Variants in C3orf22 observed in about 807,000 individuals in gnomAD.
C3orf22 encodes uncharacterized protein C3orf22.
In C3orf22, 7 loss-of-function variants were observed where a neutral mutation model predicts 10.8. That is an observed-to-expected ratio of 0.65 (90% CI 0.37 to 1.22). The LOEUF is 1.22. C3orf22 is among the 50% of genes most tolerant of loss of function. The probability of loss-of-function intolerance (pLI) is 0.02; values close to 1 mark genes in which losing one functional copy is unlikely to be tolerated. For synonymous variants in C3orf22, 79 were observed against 78.9 expected (o/e 1.00, Z 0.00); for missense variants, 173 against 177.0 (o/e 0.98, Z 0.13).
intron 4 of C3orf22, among the ~76,000 whole-genome samples, chr3:126,534,383 C>T (rs1294575955): frequency 6.7e-6 from 1 of 149,552 alleles, no homozygotes; most frequent in African/African-American, 2.6e-5. Context: ...CTGAGCAGTG[C>T]AGCAAGGAGA....
rs77217606 is a variant in C3orf22, at chr3:126,551,890, G to A, written c.215+107C>T. The A allele has an allele frequency of 1.5e-4, 188 of 1,235,414 alleles. No individual in the cohort carries two copies. In the East Asian group the frequency reaches 2.9e-3, roughly 19 times the overall value. 76.5% of individuals were successfully genotyped at this position (1,235,414 alleles called of 1,614,324 possible). ...TCAGTTTCCTCAGCTTTAAAGTGGC[G>A]CGTGCTGGGAGGATAACATGAACGT... On this transcript the variant is annotated intron_variant, in intron 3 of 3. Coordinates refer to ENST00000318225, the MANE Select transcript of C3orf22 (RefSeq NM_152533.3).
intron 4 of C3orf22, chr3:126,541,976 G>T: frequency 6.3e-7 from 1 of 1,577,558 alleles, no homozygotes; most frequent in East Asian, 2.3e-5. Flanking sequence ...CTCCGCGCAA[G>T]AGGCGCACGC....
intron 4 of C3orf22, among the ~76,000 whole-genome samples, chr3:126,538,529 G>C (rs1040051549): frequency 1.3e-5 from 2 of 152,240 alleles, no homozygotes; most frequent in East Asian, 3.9e-4. Flanking sequence ...CCCTGAAGCT[G>C]GGCTCATGCC....
At chr3:126,548,461 C>T (rs1052289505), downstream of C3orf22, among the ~76,000 whole-genome samples, 2 of 152,226 alleles carry the variant, frequency 1.3e-5, no homozygotes, top group Non-Finnish European at 2.9e-5. Context: ...CTGTATTTTG[C>T]TTATATCAAA....
At chr3:126,546,975 T>G (rs899560003), downstream of C3orf22, among the ~76,000 whole-genome samples, 1 of 152,222 alleles carries the variant, frequency 6.6e-6, no homozygotes, top group Non-Finnish European at 1.5e-5. Context: ...TCTTAAATGC[T>G]AGGTTAGTTT....
At chr3:126,531,106 C>G (rs1936649861) in intron 4 of C3orf22, among the ~76,000 whole-genome samples, 1 of 152,286 alleles carries the variant, frequency 6.6e-6, no homozygotes, top group Non-Finnish European at 1.5e-5. Flanking sequence ...TTCTGCCTGC[C>G]AGGCACTGCG....
At chr3:126,539,547 C>T (rs1367623151) in intron 4 of C3orf22, among the ~76,000 whole-genome samples, 31 of 129,642 alleles carry the variant, frequency 2.4e-4, no homozygotes, top group African/African-American at 7.7e-4. Flanking sequence ...CCACACACAC[C>T]GCACACACAC....
chr3:126,549,796 C>A lies in C3orf22; in HGVS notation c.*72G>T. ...TGAAGGCTGATCCCTTTACTAAAGTCTCTGTGGCTACTGCCCAGAGCCTGC... is the reference window on the plus strand; with the variant it reads ...TGAAGGCTGATCCCTTTACTAAAGTATCTGTGGCTACTGCCCAGAGCCTGC... On this transcript the variant is annotated 3_prime_UTR_variant, in exon 4 of 4. Transcript: ENST00000318225. The A allele has an allele frequency of 1.3e-6, 2 of 1,539,584 alleles. No homozygotes were observed. Among genetic ancestry groups the A allele is most frequent in the Non-Finnish European group, 1.7e-6 (2 of 1,144,100 alleles).
chr3:126,533,765 T>C (rs1406989917), intron 4 of C3orf22, among the ~76,000 whole-genome samples: 2 of 152,206 alleles, frequency 1.3e-5, no homozygotes, highest in African/African-American at 4.8e-5. Flanking sequence ...TCTCTCCTCT[T>C]CTGTTTTTTG....
intron 4 of C3orf22, chr3:126,542,560 C>G: frequency 6.7e-7 from 1 of 1,499,684 alleles, no homozygotes; most frequent in African/African-American, 1.5e-5. Flanking sequence ...CCGCCCCCTC[C>G]TACCTGCGGC....
intron 4 of C3orf22, chr3:126,529,388 G>C: frequency 1.6e-6 from 2 of 1,289,230 alleles, no homozygotes; most frequent in Non-Finnish European, 2.0e-6. Context: ...GATGCCGCAA[G>C]GGGGGACAGG....
chr3:126,539,479 A>G (rs1216041078), intron 4 of C3orf22, among the ~76,000 whole-genome samples: 1 of 148,544 alleles, frequency 6.7e-6, no homozygotes, highest in Non-Finnish European at 1.5e-5. Flanking sequence ...CACTGCACAC[A>G]CACACACATA....
chr3:126,534,993 GAGAC>G (rs1402914979), intron 4 of C3orf22, among the ~76,000 whole-genome samples: 3 of 139,988 alleles, frequency 2.1e-5, no homozygotes, highest in Admixed American at 7.2e-5. Context: ...CCCCAGCCGG[GAGAC>G]AGACAGACAG....
chr3:126,542,150 T>G, intron 4 of C3orf22: 1 of 1,543,718 alleles, frequency 6.5e-7, no homozygotes, highest in Non-Finnish European at 8.7e-7. Context: ...CCAGAGGCGC[T>G]ACGGTGCACG....
At chr3:126,552,455 GGTGT>G (rs1486167446) in intron 2 of C3orf22, among the ~76,000 whole-genome samples, 19 of 152,146 alleles carry the variant, frequency 1.2e-4, no homozygotes, top group Non-Finnish European at 2.6e-4. Context: ...CACTCTGTGT[GGTGT>G]GTACCTGCCA....
chr3:126,551,273 G>A (rs547559914), intron 3 of C3orf22, among the ~76,000 whole-genome samples: 22 of 152,322 alleles, frequency 1.4e-4, no homozygotes, highest in African/African-American at 5.3e-4. Context: ...ACATTAACTG[G>A]AGTGGGCGGG....
rs77861506 is a variant in C3orf22, at chr3:126,544,344, C to T, written c.286+5193G>A. On this transcript the variant is annotated intron_variant and NMD_transcript_variant, in intron 4 of 5. Coordinates refer to the C3orf22 transcript ENST00000505070. ...CGCTGGGACTTTTCAGCCTCCATAA[C>T]TGTAAAAAGTAAATTTCTTTTCTTT... 5.2e-4 allele frequency among the ~76,000 whole-genome samples: 79 copies of T among 152,334 alleles called. 3 individuals carry two copies. The East Asian group carries it at 0.014, about 28-fold the overall frequency.
intron 4 of C3orf22, chr3:126,536,372 G>A (rs371306853): frequency 6.9e-6 from 11 of 1,599,828 alleles, no homozygotes; most frequent in East Asian, 2.2e-5. Context: ...ACAGACCCTC[G>A]ACCCAGGCAT....
chr3:126,529,208 C>G (rs1017018047), exon 5 of C3orf22: 2 of 826,170 alleles, frequency 2.4e-6, no homozygotes, highest in African/African-American at 3.5e-5. Context: ...CTGTAGGTTT[C>G]TAGTGTGGTG....
Sources: gnomAD v4.1 joint callset for allele counts (sites outside exome capture counted in the v4.1 genomes callset) on GRCh38, gnomAD v4.1.1 for gene constraint, MANE v1.5 for transcripts, NCBI Gene and HGNC (gene_info 2026-07-23, HGNC 2026-07-21) for gene names.